The following TMPO variants were observed in gnomAD, a reference collection of about 807,000 sequenced individuals.
TMPO encodes the protein LEM domain containing 4.
Under a neutral mutation model 45.4 loss-of-function variants are expected in TMPO, and 22 were observed. The observed-to-expected ratio is 0.48, with a 90% CI of 0.35 to 0.69. The LOEUF (loss-of-function observed/expected upper bound fraction) is 0.69, where lower values mean the gene tolerates loss of function less well. TMPO is among the 30% of genes least tolerant of loss of function. TMPO has a pLI of 0.01. For missense variants in TMPO, 512 were observed against 548.8 expected (o/e 0.93, Z 0.67); for synonymous variants, 241 against 204.1 (o/e 1.18, Z -1.54).
chr12:98,540,621 A>G (rs897377687), intron 4 of TMPO, among the ~76,000 whole-genome samples: 4 of 151,650 alleles, frequency 2.6e-5, no homozygotes, highest in African/African-American at 9.7e-5. Context: ...CAGGTGATCC[A>G]CCCGCCTCAG....
At chr12:98,523,861 A>G (rs1316169537) in intron 1 of TMPO, among the ~76,000 whole-genome samples, 1 of 152,034 alleles carries the variant, frequency 6.6e-6, no homozygotes, top group Non-Finnish European at 1.5e-5. Context: ...TTTTTAGTAG[A>G]GATGGGGTTT....
At chr12:98,540,633 C>T (rs1179083122) in intron 4 of TMPO, among the ~76,000 whole-genome samples, 1 of 152,222 alleles carries the variant, frequency 6.6e-6, no homozygotes, top group Non-Finnish European at 1.5e-5. Flanking sequence ...CCGCCTCAGC[C>T]TCCCAAAATG....
intron 2 of TMPO, among the ~76,000 whole-genome samples, chr12:98,529,499 C>T (rs1329717670): frequency 6.6e-6 from 1 of 152,122 alleles, no homozygotes; most frequent in African/African-American, 2.4e-5. Context: ...GAAGATTTTG[C>T]AGTGTTGATT....
intron 1 of TMPO, among the ~76,000 whole-genome samples, chr12:98,517,372 G>C: frequency 6.6e-6 from 1 of 152,198 alleles, no homozygotes; most frequent in East Asian, 1.9e-4. Context: ...TGCCTGCCGA[G>C]TTACCAGGCT....
chr12:98,522,233 T>G (rs1278563345), intron 1 of TMPO, among the ~76,000 whole-genome samples: 4 of 152,194 alleles, frequency 2.6e-5, no homozygotes, highest in Admixed American at 2.6e-4. Flanking sequence ...CAGGCTGGTC[T>G]TGAATTCCTG....
chr12:98,535,303 C>T (rs1877502483), intron 3 of TMPO: 3 of 982,304 alleles, frequency 3.1e-6, no homozygotes, highest in Admixed American at 6.1e-5. Context: ...AGAAATTATA[C>T]TATATCCCAG....
chr12:98,529,860 T>G (rs1030446641), intron 2 of TMPO, among the ~76,000 whole-genome samples: 2 of 152,182 alleles, frequency 1.3e-5, no homozygotes, highest in African/African-American at 4.8e-5. Context: ...CATCTGGTCT[T>G]GATCTTCTAA....
intron 2 of TMPO, among the ~76,000 whole-genome samples, chr12:98,529,657 G>A (rs1420681246): frequency 6.6e-6 from 1 of 151,848 alleles, no homozygotes; most frequent in Non-Finnish European, 1.5e-5. Context: ...CTCAGCTTAG[G>A]CTCAAGCAGT....
At chr12:98,520,272 C>CCCTTCCTTCCTT (rs372564327) in intron 1 of TMPO, among the ~76,000 whole-genome samples, 4,155 of 107,270 alleles carry the variant, frequency 0.039, 132 homozygotes, top group Non-Finnish European at 0.055. Context: ...CCATATTTTT[C>CCCTTCCTTCCTT]CCTTCCTTCC....
intron 1 of TMPO, among the ~76,000 whole-genome samples, chr12:98,526,411 A>T (rs1159561707): frequency 6.6e-6 from 1 of 152,216 alleles, no homozygotes; most frequent in Non-Finnish European, 1.5e-5. Flanking sequence ...AGTAACCTAC[A>T]CACATCCTCC....
At chr12:98,543,585 A>C (rs1177562766) in intron 4 of TMPO, among the ~76,000 whole-genome samples, 1 of 152,224 alleles carries the variant, frequency 6.6e-6, no homozygotes, top group Non-Finnish European at 1.5e-5. Context: ...TTCTGTAGTG[A>C]CATGGATAGC....
chr12:98,532,781 C>T (rs767088160), intron 3 of TMPO: 1 of 1,613,894 alleles, frequency 6.2e-7, no homozygotes, highest in Admixed American at 1.7e-5. Flanking sequence ...TCAGCTCAAA[C>T]ACAGGTAATG....
At chr12:98,525,705 C>T (rs2121158776) in intron 1 of TMPO, among the ~76,000 whole-genome samples, 2 of 147,382 alleles carry the variant, frequency 1.4e-5, no homozygotes, top group Middle Eastern at 7.1e-3. Flanking sequence ...TGCGCCACTG[C>T]ACTCCAGCCT....
chr12:98,516,759 AAGG>A (rs1302615142), intron 1 of TMPO, among the ~76,000 whole-genome samples: 2 of 152,224 alleles, frequency 1.3e-5, no homozygotes, highest in Non-Finnish European at 2.9e-5. Context: ...GCCGAATTAA[AAGG>A]AGCATTTTAA....
At chr12:98,542,199 A>C (rs1483602368) in intron 4 of TMPO, among the ~76,000 whole-genome samples, 3 of 152,260 alleles carry the variant, frequency 2.0e-5, no homozygotes, top group Non-Finnish European at 4.4e-5. Context: ...ATTTCTCTGC[A>C]TATGAGTTGA....
At chr12:98,541,505 T>C (rs767798338) in intron 4 of TMPO, among the ~76,000 whole-genome samples, 9 of 152,244 alleles carry the variant, frequency 5.9e-5, no homozygotes, top group Non-Finnish European at 1.3e-4. Flanking sequence ...ACAGTATTAC[T>C]ACTAACAATA....
In TMPO at chr12:98,531,674, A is replaced by G. The variant is rs1042814232; in HGVS notation, c.407-6A>G. On this transcript the variant is annotated splice_region_variant and splice_polypyrimidine_tract_variant and intron_variant, in intron 2 of 8. Coordinates refer to ENST00000556029, the MANE Select transcript of TMPO (RefSeq NM_001032283.3). ...AGGTACTAAAGCAAGTTCTGCCTTA[A>G]TCCAGGAACAACCAGGAAGCTATAT... The G allele has an allele frequency of 6.2e-7, 1 of 1,612,072 alleles. No individual in the cohort carries two copies. The highest frequency in any genetic ancestry group is 8.5e-7 in the Non-Finnish European group (1 of 1,179,938).
intron 4 of TMPO, among the ~76,000 whole-genome samples, chr12:98,542,420 T>C (rs898406019): frequency 1.3e-4 from 20 of 151,684 alleles, no homozygotes; most frequent in Admixed American, 1.2e-3. Flanking sequence ...GAGATTCTGA[T>C]TTAATTGGTT....
intron 1 of TMPO, chr12:98,516,419 G>A: frequency 8.5e-7 from 1 of 1,175,962 alleles, no homozygotes; most frequent in Non-Finnish European, 1.0e-6. Context: ...CGCAGTCGAC[G>A]CCGCTTCCCT....
Sources: allele counts gnomAD v4.1 joint callset (sites outside exome capture counted in the v4.1 genomes callset), GRCh38; gene constraint gnomAD v4.1.1; transcripts MANE v1.5; gene names NCBI Gene and HGNC (gene_info 2026-07-23, HGNC 2026-07-21).